Variants in EDARADD observed in about 807,000 individuals in gnomAD.
EDARADD encodes ectodysplasin-A receptor-associated adapter protein.
Under a neutral mutation model 25.6 loss-of-function variants are expected in EDARADD, and 20 were observed. The observed-to-expected ratio is 0.78, with a 90% CI of 0.55 to 1.14. The LOEUF is 1.14. EDARADD is among the 50% of genes most tolerant of loss of function. EDARADD has a pLI of 0.00. For missense variants in EDARADD, 225 were observed against 270.1 expected (o/e 0.83, Z 1.17); for synonymous variants, 86 against 94.4 (o/e 0.91, Z 0.52).
intron 3 of EDARADD, among the ~76,000 whole-genome samples, chr1:236,415,606 C>T (rs191437634): frequency 5.9e-5 from 9 of 152,238 alleles, no homozygotes; most frequent in East Asian, 3.9e-4. Context: ...CCACCACACC[C>T]GGCTAATTTT....
intron 4 of EDARADD, among the ~76,000 whole-genome samples, chr1:236,429,100 C>T (rs1037150473): frequency 1.3e-5 from 2 of 152,016 alleles, no homozygotes; most frequent in East Asian, 1.9e-4. Flanking sequence ...AGTCCAGCCT[C>T]GGCTGGGCAT....
intron 4 of EDARADD, among the ~76,000 whole-genome samples, chr1:236,457,475 A>G (rs1215750501): frequency 6.6e-6 from 1 of 151,832 alleles, no homozygotes; most frequent in East Asian, 1.9e-4. Flanking sequence ...AGATCGTGCC[A>G]CTGAACTCCA....
At chr1:236,375,655 CA>C (rs34232960) in intron 3 of EDARADD, among the ~76,000 whole-genome samples, 175 of 74,554 alleles carry the variant, frequency 2.3e-3, no homozygotes, top group Admixed American at 8.2e-3. Flanking sequence ...GACTTGGTCT[CA>C]AAAAAAAAAA....
intron 3 of EDARADD, among the ~76,000 whole-genome samples, chr1:236,372,819 A>C (rs1383476832): frequency 1.3e-5 from 2 of 151,728 alleles, no homozygotes; most frequent in African/African-American, 4.8e-5. Context: ...GGCTCATTTC[A>C]TCTAGGTTAT....
At chr1:236,415,562 C>T (rs1322070153) in intron 3 of EDARADD, among the ~76,000 whole-genome samples, 2 of 152,200 alleles carry the variant, frequency 1.3e-5, no homozygotes, top group Non-Finnish European at 1.5e-5. Context: ...TCTCCTCCCT[C>T]AGCCTTCCAA....
At chr1:236,438,789 A>G (rs1030020989) in intron 4 of EDARADD, among the ~76,000 whole-genome samples, 4 of 151,956 alleles carry the variant, frequency 2.6e-5, no homozygotes, top group African/African-American at 9.7e-5. Flanking sequence ...CCCCATTGTC[A>G]GCATCCTGCA....
intron 4 of EDARADD, among the ~76,000 whole-genome samples, chr1:236,445,622 G>T (rs1280273560): frequency 6.6e-6 from 1 of 152,200 alleles, no homozygotes; most frequent in Non-Finnish European, 1.5e-5. Flanking sequence ...CCACTGGCCA[G>T]TGTCACAGGA....
At chr1:236,432,721 C>G (rs941373038) in intron 4 of EDARADD, among the ~76,000 whole-genome samples, 1 of 152,044 alleles carries the variant, frequency 6.6e-6, no homozygotes, top group Non-Finnish European at 1.5e-5. Flanking sequence ...CCCGTCCCTA[C>G]TAAAAATACA....
chr1:236,365,719 C>T (rs911217828), intron 3 of EDARADD, among the ~76,000 whole-genome samples: 1 of 152,050 alleles, frequency 6.6e-6, no homozygotes, highest in Non-Finnish European at 1.5e-5. Flanking sequence ...TTCAGTTGGC[C>T]TCCCTCCTTT....
intron 3 of EDARADD, among the ~76,000 whole-genome samples, chr1:236,374,894 T>C (rs879399563): frequency 4.6e-5 from 7 of 150,652 alleles, no homozygotes; most frequent in Admixed American, 2.0e-4. Context: ...ATCATTGATG[T>C]TTAGAGTGAT....
At position 236,414,500 on chromosome 1, in the gene EDARADD, G is replaced by A. The variant is rs665150; in HGVS notation, c.160+201G>A. Among the ~76,000 whole-genome samples the A allele has an allele frequency of 0.44, 66,381 of 152,030 alleles. 17,210 individuals are homozygous for A. Among genetic ancestry groups the A allele is most frequent in the Non-Finnish European group, 0.59 (39,901 of 67,998 alleles). ...TATCTTTTAACCTTGCAATAGAAAT[G>A]AATTTTCTTATTAAAAACTGTAAAT... On this transcript the variant is annotated intron_variant, in intron 3 of 5. Transcript: ENST00000334232.
chr1:236,452,287 G>A (rs1318292777), intron 4 of EDARADD, among the ~76,000 whole-genome samples: 2 of 152,168 alleles, frequency 1.3e-5, no homozygotes, highest in Admixed American at 1.3e-4. Flanking sequence ...CACTCCTTCC[G>A]TGAATTTCTT....
chr1:236,473,306 G>A (rs1041610643), intron 5 of EDARADD, among the ~76,000 whole-genome samples: 5 of 152,088 alleles, frequency 3.3e-5, no homozygotes, highest in Non-Finnish European at 7.4e-5. Flanking sequence ...CCCAAACAAT[G>A]CAAAGGACCC....
upstream of EDARADD, among the ~76,000 whole-genome samples, chr1:236,393,426 C>T (rs1199522413): frequency 1.1e-4 from 11 of 96,204 alleles, no homozygotes; most frequent in African/African-American, 5.5e-4. Flanking sequence ...GACAGAGTCT[C>T]ACTCTGTCGC....
intron 4 of EDARADD, among the ~76,000 whole-genome samples, chr1:236,431,260 G>C (rs923815428): frequency 1.1e-4 from 16 of 152,080 alleles, no homozygotes; most frequent in Non-Finnish European, 1.6e-4. Flanking sequence ...TTTTTCGAGT[G>C]ATGCCGAGGA....
At chr1:236,405,050 C>T (rs957217377) in intron 1 of EDARADD, among the ~76,000 whole-genome samples, 1 of 151,938 alleles carries the variant, frequency 6.6e-6, no homozygotes. Context: ...GCCGAGATCA[C>T]GCCACTGCAC....
At chr1:236,433,742 T>C (rs1049635313) in intron 4 of EDARADD, among the ~76,000 whole-genome samples, 4 of 151,800 alleles carry the variant, frequency 2.6e-5, no homozygotes, top group Non-Finnish European at 5.9e-5. Context: ...TGGTGGTGGG[T>C]GCCTGTTATC....
intron 4 of EDARADD, among the ~76,000 whole-genome samples, chr1:236,462,912 C>T (rs1379161789): frequency 6.6e-6 from 1 of 152,148 alleles, no homozygotes; most frequent in Non-Finnish European, 1.5e-5. Flanking sequence ...TTGAAACAAC[C>T]CATGTCCAGG....
At chr1:236,352,618 C>T (rs896058732) in intron 3 of EDARADD, among the ~76,000 whole-genome samples, 3 of 152,260 alleles carry the variant, frequency 2.0e-5, no homozygotes, top group Non-Finnish European at 1.5e-5. Context: ...GAGGCCAAGG[C>T]GGGTGGATCA....
Sources: gnomAD v4.1 joint callset for allele counts (sites outside exome capture counted in the v4.1 genomes callset) on GRCh38, gnomAD v4.1.1 for gene constraint, MANE v1.5 for transcripts, NCBI Gene and HGNC (gene_info 2026-07-23, HGNC 2026-07-21) for gene names.